The following ADK variants were observed in gnomAD, a reference collection of about 807,000 sequenced individuals.
ADK encodes N6,N6-dimethyladenosine kinase.
ADK carries 24 observed loss-of-function variants against 44.7 expected under a neutral mutation model. The observed-to-expected ratio is 0.54, with a 90% CI of 0.39 to 0.76. The LOEUF is 0.76. Among genes scored for constraint, ADK ranks in the 30% least tolerant of loss-of-function variants. The probability of loss-of-function intolerance (pLI) is 0.00; values close to 1 mark genes in which losing one functional copy is unlikely to be tolerated. For missense variants in ADK, 321 were observed against 425.1 expected (o/e 0.76, Z 2.15); for synonymous variants, 128 against 142.6 (o/e 0.90, Z 0.73).
intron 3 of ADK, among the ~76,000 whole-genome samples, chr10:74,246,816 A>G (rs1007435168): frequency 6.6e-6 from 1 of 152,178 alleles, no homozygotes; most frequent in African/African-American, 2.4e-5. Context: ...TGGCTTCATA[A>G]GCCAGACATT....
intron 6 of ADK, among the ~76,000 whole-genome samples, chr10:74,485,043 T>C (rs534685435): frequency 6.6e-6 from 1 of 152,142 alleles, no homozygotes; most frequent in African/African-American, 2.4e-5. Flanking sequence ...TTGTACCACA[T>C]TAAAATTAAG....
Position 74,685,516 on chromosome 10 carries a change from GT to G in ADK, c.964+15249del, listed in dbSNP as rs554435195. Among the ~76,000 whole-genome samples the G allele has an allele frequency of 3.3e-3, 502 of 152,304 alleles. 1 individual carries two copies. The highest frequency in any genetic ancestry group is 0.011 in the African/African-American group (473 of 41,560). ...ATTGCTTTAAGCCACAAAGTAGCAG[GT>G]TGTAAAATATTGTTGCATAAGAGGG... On this transcript the variant is annotated intron_variant, in intron 10 of 10. Coordinates refer to ENST00000539909, the MANE Select transcript of ADK (RefSeq NM_006721.4).
chr10:74,708,847 T>C lies in ADK; in HGVS notation c.*402T>C, dbSNP rs1856694316. 4.7e-6 allele frequency: 1 copy of C among 211,788 alleles called. No homozygotes were observed. The highest frequency in any genetic ancestry group is 9.6e-6 in the Non-Finnish European group (1 of 104,242). The allele number at this position is 211,788 out of a possible 1,614,324, so 13.1% of individuals were successfully genotyped here. ...GAATTAATCTTAACATAGTAATCTT[T>C]AGCTTTTTATACAAATATATTTAAT... On this transcript the variant is annotated 3_prime_UTR_variant, in exon 11 of 11. Transcript: ENST00000539909.
chr10:74,237,344 A>G (rs1845008410), intron 3 of ADK, among the ~76,000 whole-genome samples: 1 of 152,198 alleles, frequency 6.6e-6, no homozygotes, highest in Admixed American at 6.5e-5. Flanking sequence ...AAGTTTTATC[A>G]TGAGATTGCA....
chr10:74,485,977 AG>A (rs1351306574), intron 6 of ADK, among the ~76,000 whole-genome samples: 2 of 152,226 alleles, frequency 1.3e-5, no homozygotes, highest in African/African-American at 4.8e-5. Context: ...ATAATAGCCA[AG>A]ACCATCTTCA....
At chr10:74,461,537 A>G (rs1306690392) in intron 6 of ADK, among the ~76,000 whole-genome samples, 1 of 152,126 alleles carries the variant, frequency 6.6e-6, no homozygotes, top group Non-Finnish European at 1.5e-5. Flanking sequence ...CAATAGCATT[A>G]CATCTTACAA....
At chr10:74,195,085 C>CG (rs1188790575) in intron 1 of ADK, among the ~76,000 whole-genome samples, 1 of 86,492 alleles carries the variant, frequency 1.2e-5, no homozygotes, top group African/African-American at 4.0e-5. Flanking sequence ...GACCGCTCCC[C>CG]CCCCCAAAAA....
At chr10:74,358,422 A>T (rs1189552931) in intron 4 of ADK, among the ~76,000 whole-genome samples, 2 of 152,190 alleles carry the variant, frequency 1.3e-5, no homozygotes, top group African/African-American at 4.8e-5. Context: ...CCACTTACTT[A>T]TTTCAAATTT....
chr10:74,392,097 C>T (rs1227728692), intron 4 of ADK, among the ~76,000 whole-genome samples: 7 of 152,132 alleles, frequency 4.6e-5, no homozygotes, highest in Admixed American at 2.0e-4. Flanking sequence ...TCTTGGCTAT[C>T]ATGAATATTG....
At chr10:74,272,062 G>A (rs1177414985) in intron 3 of ADK, among the ~76,000 whole-genome samples, 1 of 151,470 alleles carries the variant, frequency 6.6e-6, no homozygotes, top group Non-Finnish European at 1.5e-5. Context: ...TGTCTTTAAT[G>A]TGACTGAGTC....
At chr10:74,527,723 G>A (rs1849112393) in intron 7 of ADK, 8 of 1,483,398 alleles carry the variant, frequency 5.4e-6, no homozygotes, top group Non-Finnish European at 7.5e-6. Context: ...GGACGTTTTA[G>A]TCATATTCAG....
At chr10:74,634,652 A>G (rs906046628) in intron 9 of ADK, among the ~76,000 whole-genome samples, 2 of 152,126 alleles carry the variant, frequency 1.3e-5, no homozygotes, top group African/African-American at 2.4e-5. Context: ...GAGAAAAAAA[A>G]CAATGAACAT....
chr10:74,239,917 C>T (rs1265562453), intron 3 of ADK, among the ~76,000 whole-genome samples: 1 of 151,736 alleles, frequency 6.6e-6, no homozygotes, highest in Non-Finnish European at 1.5e-5. Context: ...ATTCAATTTG[C>T]TTTGTATGTA....
At chr10:74,269,495 C>T (rs1025269447) in intron 3 of ADK, among the ~76,000 whole-genome samples, 16 of 152,274 alleles carry the variant, frequency 1.1e-4, no homozygotes, top group African/African-American at 3.6e-4. Flanking sequence ...ACACAAACCA[C>T]ATGAGACCAA....
intron 4 of ADK, among the ~76,000 whole-genome samples, chr10:74,352,066 A>G (rs1175282645): frequency 6.6e-6 from 1 of 151,920 alleles, no homozygotes; most frequent in Non-Finnish European, 1.5e-5. Context: ...AAAAAAAAAA[A>G]GAAACAAACC....
At chr10:74,233,420 AGT>A (rs1335825112) in intron 3 of ADK, among the ~76,000 whole-genome samples, 1 of 152,162 alleles carries the variant, frequency 6.6e-6, no homozygotes, top group Non-Finnish European at 1.5e-5. Context: ...CGTAAGGTAG[AGT>A]GGGGATGAGT....
chr10:74,346,111 C>T (rs1374326418), intron 4 of ADK, among the ~76,000 whole-genome samples: 1 of 152,194 alleles, frequency 6.6e-6, no homozygotes, highest in Non-Finnish European at 1.5e-5. Flanking sequence ...AAGCTGGTCT[C>T]AAACTCCTGA....
chr10:74,186,100 C>T (rs922388515), intron 1 of ADK, among the ~76,000 whole-genome samples: 1 of 152,022 alleles, frequency 6.6e-6, no homozygotes, highest in African/African-American at 2.4e-5. Flanking sequence ...CTGCCTACCT[C>T]GGCCTCCCAA....
intron 3 of ADK, among the ~76,000 whole-genome samples, chr10:74,273,646 T>C (rs1016370319): frequency 3.3e-5 from 5 of 152,084 alleles, no homozygotes; most frequent in African/African-American, 1.2e-4. Context: ...TTAGTAGAGA[T>C]GAGGTTTCAC....
Sources: allele counts gnomAD v4.1 joint callset (sites outside exome capture counted in the v4.1 genomes callset), GRCh38; gene constraint gnomAD v4.1.1; transcripts MANE v1.5; gene names NCBI Gene and HGNC (gene_info 2026-07-23, HGNC 2026-07-21).